GGTA1: variants seen among roughly 807,000 people sequenced by gnomAD.
GGTA1 encodes the protein inactive N-acetyllactosaminide alpha-1,3-galactosyltransferase.
GGTA1 carries 5 observed loss-of-function variants against 2.6 expected under a neutral mutation model. The ratio of observed to expected loss-of-function variants is 1.92; its 90% CI spans 1.00 to 4.04. GGTA1 has a LOEUF of 4.04. Ranked by LOEUF, GGTA1 falls within the 30% of genes most tolerant of loss-of-function variation. The pLI is 0.00. For synonymous variants in GGTA1, 17 were observed against 5.0 expected (o/e 3.38, Z -3.19); for missense variants, 50 against 16.7 (o/e 2.99, Z -3.47).
At chr9:121,468,441 T>G (rs1379071329) in intron 1 of GGTA1, among the ~76,000 whole-genome samples, 1 of 152,174 alleles carries the variant, frequency 6.6e-6, no homozygotes, top group Admixed American at 6.6e-5. Flanking sequence ...TGGGTTGATT[T>G]CAAGTCTTTG....
chr9:121,450,947 C>G (rs1200823590), downstream of GGTA1, among the ~76,000 whole-genome samples: 1 of 152,134 alleles, frequency 6.6e-6, no homozygotes, highest in Admixed American at 6.6e-5. Context: ...TTACAGAGCT[C>G]TCTTTTAAGC....
downstream of GGTA1, among the ~76,000 whole-genome samples, chr9:121,453,440 G>A (rs1410074589): frequency 3.0e-5 from 4 of 131,832 alleles, no homozygotes; most frequent in East Asian, 9.5e-4. Context: ...AGAGCCGCAG[G>A]GGCCCCAGCA....
Position 121,456,716 on chromosome 9 carries a change from G to A in GGTA1, c.299-875C>T, listed in dbSNP as rs191198587. On this transcript the variant is annotated intron_variant, in intron 5 of 5. Coordinates refer to ENST00000481799, the MANE Select transcript of GGTA1 (RefSeq NM_001382585.1). ...CAGGCGTGAGCTACCATGCCCAGCC[G>A]GAAGCATTAAAATTCTATGAATCAT... 4.6e-5 allele frequency among the ~76,000 whole-genome samples: 7 copies of A among 151,520 alleles called. 1 individual carries two copies. Among genetic ancestry groups the A allele is most frequent in the Non-Finnish European group, 7.4e-5 (5 of 67,862 alleles).
chr9:121,460,651 C>G (rs1232599485), intron 4 of GGTA1, among the ~76,000 whole-genome samples: 1 of 152,102 alleles, frequency 6.6e-6, no homozygotes, highest in Non-Finnish European at 1.5e-5. Context: ...TAGAGACCAG[C>G]CTGGCCAACG....
chr9:121,452,834 T>G (rs2064885300), downstream of GGTA1, among the ~76,000 whole-genome samples: 1 of 152,178 alleles, frequency 6.6e-6, no homozygotes, highest in African/African-American at 2.4e-5. Flanking sequence ...AGGGCTATTT[T>G]GGGGGGCCCT....
At chr9:121,494,113 G>A (rs1323890078) in intron 1 of GGTA1, among the ~76,000 whole-genome samples, 1 of 152,094 alleles carries the variant, frequency 6.6e-6, no homozygotes, top group African/African-American at 2.4e-5. Flanking sequence ...CACTCTCTGA[G>A]TTAGACCCAT....
At chr9:121,456,875 T>TTAC (rs1390496714) in intron 5 of GGTA1, among the ~76,000 whole-genome samples, 1 of 152,168 alleles carries the variant, frequency 6.6e-6, no homozygotes, top group Non-Finnish European at 1.5e-5. Flanking sequence ...TTTCACTAAG[T>TTAC]TGCCCAGGCT....
chr9:121,474,652 C>G (rs1389735349), intron 1 of GGTA1, among the ~76,000 whole-genome samples: 23 of 152,180 alleles, frequency 1.5e-4, no homozygotes, highest in Admixed American at 1.5e-3. Context: ...GTAATTCGTT[C>G]CAAACAGAAT....
Position 121,499,352 on chromosome 9 carries a change from C to T in GGTA1, c.-10+298G>A, listed in dbSNP as rs190900484. 7.3e-3 allele frequency among the ~76,000 whole-genome samples: 1,106 copies of T among 152,254 alleles called. 4 individuals carry two copies. The highest frequency in any genetic ancestry group is 0.011 in the Admixed American group (175 of 15,300). On this transcript the variant is annotated intron_variant, in intron 1 of 5. Transcript: ENST00000481799. ...TGCGTCTCCCCTCTCTTCCCCCACC[C>T]CAACCCCGCGGACCCGTGGGGGAAC...
intron 2 of GGTA1, 105 bp downstream of exon 2, chr9:121,467,738 T>C (rs1256702181): frequency 2.6e-6 from 1 of 381,360 alleles, no homozygotes; most frequent in East Asian, 7.4e-5. Context: ...TTTATGGTTT[T>C]AGTTAATCCT....
downstream of GGTA1, among the ~76,000 whole-genome samples, chr9:121,453,881 T>C (rs575717078): frequency 1.2e-4 from 19 of 152,220 alleles, no homozygotes; most frequent in African/African-American, 4.6e-4. Flanking sequence ...AAAAGGGGCC[T>C]CAGTAGACTC....
downstream of GGTA1, among the ~76,000 whole-genome samples, chr9:121,453,792 C>T (rs1449664150): frequency 6.6e-6 from 1 of 152,176 alleles, no homozygotes; most frequent in Non-Finnish European, 1.5e-5. Flanking sequence ...CCCTACCCAT[C>T]AGCAAAGTTG....
chr9:121,468,151 T>C (rs1828297295), intron 1 of GGTA1, among the ~76,000 whole-genome samples: 1 of 152,234 alleles, frequency 6.6e-6, no homozygotes, highest in Non-Finnish European at 1.5e-5. Flanking sequence ...GTATTTCTCC[T>C]AATGATATCC....
At chr9:121,466,826 G>T (rs1177686338) in intron 2 of GGTA1, among the ~76,000 whole-genome samples, 1 of 151,938 alleles carries the variant, frequency 6.6e-6, no homozygotes, top group Non-Finnish European at 1.5e-5. Context: ...GGTAATACAC[G>T]CCTGTAATCA....
intron 3 of GGTA1, 97 bp downstream of exon 3, chr9:121,463,196 A>G (rs911905768): frequency 3.9e-5 from 17 of 431,906 alleles, no homozygotes; most frequent in Non-Finnish European, 7.2e-5. Flanking sequence ...CTTTGGCCGA[A>G]CACCATGGCT....
At chr9:121,449,059 C>T (rs1005672395) in intron 7 of GGTA1, among the ~76,000 whole-genome samples, 4 of 152,246 alleles carry the variant, frequency 2.6e-5, no homozygotes, top group African/African-American at 7.2e-5. Context: ...CATATAAGCA[C>T]ACAGCATGTA....
intron 1 of GGTA1, among the ~76,000 whole-genome samples, chr9:121,481,509 G>A (rs942615267): frequency 2.0e-5 from 3 of 150,424 alleles, no homozygotes; most frequent in African/African-American, 7.4e-5. Context: ...ATGGTGAAAC[G>A]CCGTCTCTAC....
At chr9:121,474,879 C>T (rs1189974771) in intron 1 of GGTA1, among the ~76,000 whole-genome samples, 2 of 149,992 alleles carry the variant, frequency 1.3e-5, no homozygotes, top group East Asian at 1.9e-4. Flanking sequence ...CTACATCAGG[C>T]CCCTAGAGCC....
At chr9:121,469,051 C>T (rs538837764) in intron 1 of GGTA1, among the ~76,000 whole-genome samples, 1 of 152,278 alleles carries the variant, frequency 6.6e-6, no homozygotes, top group Non-Finnish European at 1.5e-5. Flanking sequence ...CCTCATCACA[C>T]TCACAGGCAA....
Sources: gnomAD v4.1 joint callset for allele counts (sites outside exome capture counted in the v4.1 genomes callset) on GRCh38, gnomAD v4.1.1 for gene constraint, MANE v1.5 for transcripts, NCBI Gene and HGNC (gene_info 2026-07-23, HGNC 2026-07-21) for gene names.